The following WWOX variants were observed in gnomAD, a reference collection of about 807,000 sequenced individuals.
WWOX encodes WW domain containing oxidoreductase.
WWOX carries 69 observed loss-of-function variants against 46.2 expected under a neutral mutation model. The observed-to-expected ratio is 1.49, with a 90% CI of 1.23 to 1.82. WWOX has a LOEUF of 1.82. Ranked by LOEUF, WWOX falls within the 40% of genes most tolerant of loss-of-function variation. The pLI, the probability that WWOX is intolerant of heterozygous loss-of-function variation, is 0.00. For synonymous variants in WWOX, 359 were observed against 202.6 expected, an observed-to-expected ratio of 1.77 and a Z score of -6.56; for missense variants, 919 against 542.6, an observed-to-expected ratio of 1.69 and a Z score of -6.89.
intron 8 of WWOX, among the ~76,000 whole-genome samples, chr16:78,887,565 C>A (rs921348589): frequency 2.0e-5 from 3 of 151,314 alleles, no homozygotes; most frequent in African/African-American, 7.3e-5. Flanking sequence ...ACACTTGAAT[C>A]ATTTTCTTCG....
intron 8 of WWOX, among the ~76,000 whole-genome samples, chr16:78,709,115 C>G (rs1015588432): frequency 3.9e-5 from 6 of 152,126 alleles, no homozygotes; most frequent in African/African-American, 1.4e-4. Context: ...TTGAAGTTCC[C>G]TACTCTCCTC....
intron 8 of WWOX, among the ~76,000 whole-genome samples, chr16:79,132,830 T>G: frequency 6.6e-6 from 1 of 152,206 alleles, no homozygotes. Context: ...ATTATTTAGG[T>G]GGCCAAGAGA....
chr16:79,009,486 T>A (rs1355749027), intron 8 of WWOX, among the ~76,000 whole-genome samples: 1 of 152,044 alleles, frequency 6.6e-6, no homozygotes, highest in Admixed American at 6.6e-5. Context: ...TTTTTTTTTT[T>A]AGATGGACTT....
intron 5 of WWOX, among the ~76,000 whole-genome samples, chr16:78,289,174 G>T (rs986640713): frequency 2.6e-5 from 4 of 152,178 alleles, no homozygotes; most frequent in African/African-American, 9.7e-5. Flanking sequence ...CACTATGCCA[G>T]TCTGTTTCTT....
intron 8 of WWOX, among the ~76,000 whole-genome samples, chr16:78,835,569 T>C (rs773663622): frequency 2.0e-5 from 3 of 152,182 alleles, no homozygotes; most frequent in South Asian, 2.1e-4. Flanking sequence ...CACACACATA[T>C]TGATATCAGA....
At chr16:79,022,947 C>G (rs549559205) in intron 8 of WWOX, among the ~76,000 whole-genome samples, 2 of 152,210 alleles carry the variant, frequency 1.3e-5, no homozygotes, top group Admixed American at 6.5e-5. Context: ...CTAATAATAC[C>G]TATGGCATAG....
At chr16:78,970,154 C>T (rs557281298) in intron 8 of WWOX, among the ~76,000 whole-genome samples, 4 of 152,156 alleles carry the variant, frequency 2.6e-5, no homozygotes, top group Non-Finnish European at 5.9e-5. Flanking sequence ...TGGAATGGGC[C>T]TGTCACCTCT....
chr16:78,397,188 GA>G (rs1423566781), intron 6 of WWOX, among the ~76,000 whole-genome samples: 14 of 152,142 alleles, frequency 9.2e-5, no homozygotes, highest in Non-Finnish European at 1.8e-4. Flanking sequence ...CTGAGCTTTG[GA>G]AATATTACCA....
chr16:78,604,567 A>G (rs368534909), intron 8 of WWOX, among the ~76,000 whole-genome samples: 9 of 152,180 alleles, frequency 5.9e-5, no homozygotes, highest in East Asian at 3.9e-4. Flanking sequence ...CGTTGTATCA[A>G]TTTTAAAGTA....
intron 3 of WWOX, among the ~76,000 whole-genome samples, chr16:78,112,466 A>C (rs978818954): frequency 3.9e-5 from 6 of 152,116 alleles, no homozygotes; most frequent in African/African-American, 1.4e-4. Context: ...TGCAAAACTG[A>C]TATTGAGAGC....
intron 8 of WWOX, among the ~76,000 whole-genome samples, chr16:78,732,921 G>T (rs555819961): frequency 2.9e-4 from 44 of 152,238 alleles, no homozygotes; most frequent in South Asian, 6.2e-4. Flanking sequence ...TAAAGAAGTG[G>T]CATTTATTCT....
intron 8 of WWOX, among the ~76,000 whole-genome samples, chr16:78,961,578 G>A (rs1366435760): frequency 6.6e-6 from 1 of 151,966 alleles, no homozygotes; most frequent in African/African-American, 2.4e-5. Flanking sequence ...GTGCATGGAT[G>A]GGTGAGTAAG....
At chr16:78,956,709 C>T (rs928018105) in intron 8 of WWOX, among the ~76,000 whole-genome samples, 14 of 152,084 alleles carry the variant, frequency 9.2e-5, no homozygotes, top group Admixed American at 3.9e-4. Flanking sequence ...TCAAAAATTC[C>T]TTTTGTGTTT....
At chr16:78,563,670 A>G (rs1442832971) in intron 8 of WWOX, among the ~76,000 whole-genome samples, 1 of 152,132 alleles carries the variant, frequency 6.6e-6, no homozygotes, top group Non-Finnish European at 1.5e-5. Context: ...AGGAATGATT[A>G]GTGATCTGAT....
chr16:78,706,092 C>G (rs2048323695), intron 8 of WWOX, among the ~76,000 whole-genome samples: 1 of 127,810 alleles, frequency 7.8e-6, no homozygotes, highest in African/African-American at 2.9e-5. Flanking sequence ...CTAAATTCAC[C>G]CATATTTGAT....
chr16:78,856,061 G>C (rs1597726858), intron 8 of WWOX, among the ~76,000 whole-genome samples: 2 of 152,226 alleles, frequency 1.3e-5, no homozygotes, highest in East Asian at 3.9e-4. Flanking sequence ...GTTTCCTTCA[G>C]ACAGGGGAAG....
intron 8 of WWOX, among the ~76,000 whole-genome samples, chr16:78,991,107 G>A (rs1180618003): frequency 6.6e-6 from 1 of 152,212 alleles, no homozygotes; most frequent in Non-Finnish European, 1.5e-5. Flanking sequence ...GAGTTGTGGA[G>A]AAGGAAAAGT....
chr16:78,655,690 G>C (rs531965890), intron 8 of WWOX, among the ~76,000 whole-genome samples: 1 of 152,110 alleles, frequency 6.6e-6, no homozygotes, highest in African/African-American at 2.4e-5. Context: ...CTGGGAGGGA[G>C]GGTGATTAAT....
At chr16:78,904,234 C>CTTTTT (rs5818190) in intron 8 of WWOX, among the ~76,000 whole-genome samples, 5 of 85,770 alleles carry the variant, frequency 5.8e-5, no homozygotes, top group Non-Finnish European at 9.3e-5. Flanking sequence ...TTATAAATGC[C>CTTTTT]TTTTTTTTTT....
Sources: gnomAD v4.1 joint callset for allele counts (sites outside exome capture counted in the v4.1 genomes callset) on GRCh38, gnomAD v4.1.1 for gene constraint, MANE v1.5 for transcripts, NCBI Gene and HGNC (gene_info 2026-07-23, HGNC 2026-07-21) for gene names.